The following PACS2 variants were observed in gnomAD, a reference collection of about 807,000 sequenced individuals.
The protein encoded by PACS2 is PACS1-like protein.
A neutral mutation model predicts 113.0 loss-of-function variants in PACS2; 36 were observed. The observed-to-expected ratio is 0.32, with a 90% CI of 0.24 to 0.42. The LOEUF (loss-of-function observed/expected upper bound fraction) is 0.42. PACS2 is among the 10% of genes least tolerant of loss of function. The pLI is 1.00. For synonymous variants in PACS2, 589 were observed against 536.1 expected, an observed-to-expected ratio of 1.10 and a Z score of -1.36; for missense variants, 1,015 against 1,239.5, an observed-to-expected ratio of 0.82 and a Z score of 2.72.
chr14:105,360,259 G>T (rs2141086224), intron 4 of PACS2, among the ~76,000 whole-genome samples: 1 of 152,274 alleles, frequency 6.6e-6, no homozygotes, highest in Non-Finnish European at 1.5e-5. Flanking sequence ...TATTGCTAAA[G>T]CTGGGTGCGG....
At position 105,323,194 on chromosome 14, in the gene PACS2, G is replaced by C. The variant is rs2058964836; in HGVS notation, c.119+8157G>C. Among the ~76,000 whole-genome samples the C allele has an allele frequency of 6.6e-6, 1 of 152,206 alleles. No homozygotes were observed. ...CTTTGTGGATCGATGATTTTCATGA[G>C]TCCCGGGAAGCTCTCAGCCACTTTT... is the stretch of plus-strand genomic sequence containing the variant. On this transcript the variant is annotated intron_variant, in intron 1 of 24. Transcript: ENST00000447393. This position sits in a 1 kb window ranked among gnomAD's most constrained non-coding sequence, Gnocchi z 4.1.
intron 24 of PACS2, 23 bp from the exon 25 acceptor site, chr14:105,394,531 G>GGTCAGGCA (rs781892303): frequency 2.5e-6 from 4 of 1,608,184 alleles, no homozygotes; most frequent in Admixed American, 1.7e-5. Context: ...GGGGGCAGGC[G>GGTCAGGCA]GTCAGGCAGC....
intron 21 of PACS2, 147 bp from the exon 22 acceptor site, chr14:105,391,484 C>T: frequency 1.4e-6 from 1 of 736,834 alleles, no homozygotes; most frequent in East Asian, 2.7e-5. Context: ...ATCCGAGACC[C>T]TCCCGTCTCT....
upstream of PACS2, among the ~76,000 whole-genome samples, chr14:105,310,803 C>A (rs587602226): frequency 2.6e-5 from 4 of 152,310 alleles, no homozygotes; most frequent in South Asian, 8.3e-4. Context: ...GAAACCAAAT[C>A]AATGGAATCC....
At chr14:105,387,378 GC>G (rs1437288066) in intron 19 of PACS2, among the ~76,000 whole-genome samples, 4 of 152,250 alleles carry the variant, frequency 2.6e-5, no homozygotes, top group African/African-American at 7.2e-5. Flanking sequence ...GCCCCAGCCT[GC>G]CCGTGCAGCG....
intron 3 of PACS2, among the ~76,000 whole-genome samples, chr14:105,353,361 C>A (rs2060307042): frequency 7.1e-6 from 1 of 140,610 alleles, no homozygotes; most frequent in African/African-American, 2.8e-5. Context: ...CATCACTGTC[C>A]CCTGGGGTGA....
intron 8 of PACS2, chr14:105,374,563 G>A (rs1642042392): frequency 6.6e-6 from 1 of 152,210 alleles, no homozygotes; most frequent in Admixed American, 6.5e-5. Context: ...CTCCTGCCCT[G>A]ACTCGCTGCT....
intron 3 of PACS2, among the ~76,000 whole-genome samples, chr14:105,353,061 A>C (rs376506917): frequency 0.013 from 253 of 18,752 alleles, no homozygotes; most frequent in Admixed American, 0.018. Context: ...GGAGACGGGC[A>C]CCCCCATCAC....
chr14:105,365,938 G>C lies in PACS2; in HGVS notation c.424-1275G>C, dbSNP rs1184062503. ...GTGGGTGCGAGTGTTGGCAGAAGCT[G>C]CCAGCTGCCCTTCGTCATTTTCTGA... On this transcript the variant is annotated intron_variant, in intron 4 of 24. Coordinates refer to ENST00000447393, the MANE Select transcript of PACS2 (RefSeq NM_001100913.3). This position sits in a 1 kb window ranked among gnomAD's most constrained non-coding sequence, Gnocchi z 5.1. Among the ~76,000 whole-genome samples the C allele has an allele frequency of 6.6e-6, 1 of 152,250 alleles. No individual in the cohort carries two copies. The highest frequency in any genetic ancestry group is 2.4e-5 in the African/African-American group (1 of 41,462).
intron 1 of PACS2, among the ~76,000 whole-genome samples, chr14:105,336,243 C>T (rs2059514828): frequency 1.3e-5 from 2 of 152,238 alleles, no homozygotes. Flanking sequence ...CCCTTGCCTG[C>T]CTGGAGGAAA....
At chr14:105,382,661 G>T in intron 14 of PACS2, 80 bp downstream of exon 14, 1 of 1,008,924 alleles carries the variant, frequency 9.9e-7, no homozygotes, top group Non-Finnish European at 1.6e-6. Flanking sequence ...CCCCTACCCG[G>T]CACACCTGGG....
chr14:105,383,131 C>T (rs1022955378), intron 15 of PACS2: 18 of 628,260 alleles, frequency 2.9e-5, no homozygotes, highest in African/African-American at 3.6e-5. Context: ...GGAGTGGTGG[C>T]CTCCTGGCCT....
Position 105,329,017 on chromosome 14 carries a change from C to T in PACS2, c.119+13980C>T, listed in dbSNP as rs1217296414. The stretch of plus-strand genomic sequence containing the variant: ...CTCTAGGCATTCGATGAATCTTCTC[C>T]ACCTTGCTGTGGGGTTAATTCAGGG... On this transcript the variant is annotated intron_variant, in intron 1 of 24. Transcript: ENST00000447393. The surrounding 1 kb of genome is among the most constrained non-coding windows in gnomAD (Gnocchi z 6.4). Among the ~76,000 whole-genome samples, 6 of 152,354 alleles carry T rather than the reference C, an allele frequency of 3.9e-5. No individual in the cohort carries two copies. The highest frequency in any genetic ancestry group is 7.3e-5 in the Non-Finnish European group (5 of 68,034).
Position 105,355,608 on chromosome 14 carries a change from G to A in PACS2, c.423+431G>A, listed in dbSNP as rs886363659. Among the ~76,000 whole-genome samples, 2 of 152,250 alleles carry A rather than the reference G, an allele frequency of 1.3e-5. No individual in the cohort carries two copies. The highest frequency in any genetic ancestry group is 2.9e-5 in the Non-Finnish European group (2 of 68,046). On this transcript the variant is annotated intron_variant, in intron 4 of 24. Coordinates refer to ENST00000447393, the MANE Select transcript of PACS2 (RefSeq NM_001100913.3). This position sits in a 1 kb window ranked among gnomAD's most constrained non-coding sequence, Gnocchi z 4.1. ...TTGGCTGAGCAGGAGCAGGACAGGT[G>A]TCAGTTCTGTGAAGGGGCTAGCGAC...
chr14:105,358,946 C>T lies in PACS2; in HGVS notation c.423+3769C>T, dbSNP rs2060563310. Among the ~76,000 whole-genome samples the T allele has an allele frequency of 6.6e-6, 1 of 152,196 alleles. No homozygotes were observed. On this transcript the variant is annotated intron_variant, in intron 4 of 24. Transcript: ENST00000447393. This position sits in a 1 kb window ranked among gnomAD's most constrained non-coding sequence, Gnocchi z 4.9. ...TGTGGGCTGCATATCAATGGGTGGC[C>T]CCGTGAGAATATGATGGCACTGGAC...
chr14:105,385,582 G>A (rs782139091), intron 18 of PACS2, 103 bp from the exon 19 acceptor site: 2 of 683,068 alleles, frequency 2.9e-6, no homozygotes, highest in Non-Finnish European at 4.7e-6. Flanking sequence ...CCACGCAGGA[G>A]CCCCAGTGAG....
At chr14:105,301,469 G>A (rs1164289999) in intron 1 of PACS2, among the ~76,000 whole-genome samples, 1 of 151,762 alleles carries the variant, frequency 6.6e-6, no homozygotes, top group Non-Finnish European at 1.5e-5. Context: ...CTTGGCTCCT[G>A]AGGGCGACCT....
intron 24 of PACS2, chr14:105,393,553 T>C (rs587651098): frequency 6.3e-6 from 3 of 478,698 alleles, no homozygotes; most frequent in African/African-American, 6.1e-5. Context: ...TTTTTAAAAA[T>C]AATGACTTGT....
intron 4 of PACS2, among the ~76,000 whole-genome samples, chr14:105,362,339 A>C (rs1595700707): frequency 6.8e-6 from 1 of 147,856 alleles, no homozygotes. Context: ...AATGGTGTGA[A>C]CCTGGAGGTG....
Sources: allele counts gnomAD v4.1 joint callset (sites outside exome capture counted in the v4.1 genomes callset), GRCh38; gene constraint gnomAD v4.1.1; non-coding constraint Gnocchi (gnomAD v3.1); transcripts MANE v1.5; gene names NCBI Gene and HGNC (gene_info 2026-07-23, HGNC 2026-07-21).